Variants in KALRN observed in about 807,000 individuals in gnomAD.
KALRN encodes kalirin RhoGEF kinase.
Under a neutral mutation model 353.7 loss-of-function variants are expected in KALRN, and 70 were observed. That is an observed-to-expected ratio of 0.20 (90% CI 0.16 to 0.24). The LOEUF is 0.24. Ranked by LOEUF, KALRN falls within the 10% of genes least tolerant of loss-of-function variation. The pLI, the probability that KALRN is intolerant of heterozygous loss-of-function variation, is 1.00. For synonymous variants in KALRN, 1,391 were observed against 1,434.8 expected (o/e 0.97, Z 0.69); for missense variants, 2,791 against 3,756.7 (o/e 0.74, Z 6.72).
intron 34 of KALRN, among the ~76,000 whole-genome samples, chr3:124,589,841 T>C (rs1449788007): frequency 6.6e-6 from 1 of 152,142 alleles, no homozygotes; most frequent in African/African-American, 2.4e-5. Context: ...ATACAAAAAG[T>C]CAGACCTCTG....
intron 5 of KALRN, 52 bp downstream of exon 5, chr3:124,269,307 G>A: frequency 6.6e-7 from 1 of 1,512,870 alleles, no homozygotes. Flanking sequence ...AGGGAGCAGA[G>A]GTTGCTCATC....
chr3:124,060,913 T>G (rs2041946959), intron 1 of KALRN, among the ~76,000 whole-genome samples: 1 of 152,212 alleles, frequency 6.6e-6, no homozygotes, highest in African/African-American at 2.4e-5. Context: ...AATGGTTAGC[T>G]AAGAGCCTGT....
chr3:124,532,939 GA>G (rs200277059), intron 33 of KALRN, among the ~76,000 whole-genome samples: 6,908 of 131,346 alleles, frequency 0.053, 283 homozygotes, highest in African/African-American at 0.12. Context: ...ACTTTTATGG[GA>G]AAAAAAAAAA....
intron 1 of KALRN, among the ~76,000 whole-genome samples, chr3:124,106,738 C>T (rs141771866): frequency 1.6e-4 from 25 of 152,304 alleles, no homozygotes; most frequent in Admixed American, 3.9e-4. Context: ...ATACAATTAT[C>T]GGCTGAGCCT....
chr3:124,164,798 T>C (rs1264737852), intron 1 of KALRN: 1 of 152,220 alleles, frequency 6.6e-6, no homozygotes, highest in East Asian at 1.9e-4. Flanking sequence ...GTAGAAAATG[T>C]CCAAGTCTAG....
chr3:124,418,902 A>T (rs1298804506), intron 14 of KALRN, among the ~76,000 whole-genome samples: 7 of 151,874 alleles, frequency 4.6e-5, no homozygotes, highest in African/African-American at 1.2e-4. Flanking sequence ...GATTCTGGTG[A>T]TATTGGTCTG....
At position 124,462,645 on chromosome 3, in the gene KALRN, G is replaced by A. The variant is rs756362359; in HGVS notation, c.4031+12G>A. On this transcript the variant is annotated intron_variant, in intron 25 of 59. Coordinates refer to ENST00000682506, the MANE Select transcript of KALRN (RefSeq NM_001388419.1). The stretch of plus-strand genomic sequence containing the variant: ...GATTTCCATAACAAGTAGGTTTGTG[G>A]AGGGTCTCAGAGGTGCACACTTAGG... 1 of 1,454,540 alleles carries A rather than the reference G, an allele frequency of 6.9e-7. No homozygotes were observed. The highest frequency in any genetic ancestry group is 2.3e-5 in the East Asian group (1 of 43,976). The allele number at this position is 1,454,540 out of a possible 1,614,324, so 90.1% of individuals were successfully genotyped here.
chr3:124,184,672 T>C (rs932174915), intron 1 of KALRN, among the ~76,000 whole-genome samples: 6 of 152,230 alleles, frequency 3.9e-5, no homozygotes, highest in African/African-American at 1.2e-4. Flanking sequence ...ATCTAAATTG[T>C]AGCACTTATG....
intron 34 of KALRN, among the ~76,000 whole-genome samples, chr3:124,592,035 T>A (rs2075828278): frequency 6.6e-6 from 1 of 152,180 alleles, no homozygotes; most frequent in African/African-American, 2.4e-5. Context: ...GCATAGTGGC[T>A]CACACGTGTA....
chr3:124,563,896 G>A (rs1379051292), intron 34 of KALRN, among the ~76,000 whole-genome samples: 2 of 151,922 alleles, frequency 1.3e-5, no homozygotes, highest in African/African-American at 2.4e-5. Context: ...TTGGGAGGCT[G>A]AGGCAGGAGA....
chr3:124,159,676 C>T (rs76042526), intron 1 of KALRN, among the ~76,000 whole-genome samples: 3,172 of 151,730 alleles, frequency 0.021, 102 homozygotes, highest in African/African-American at 0.073. Flanking sequence ...TTCTCTGATG[C>T]GTAATACCTG....
At chr3:124,437,296 A>G (rs1223697557) in intron 17 of KALRN, among the ~76,000 whole-genome samples, 1 of 152,138 alleles carries the variant, frequency 6.6e-6, no homozygotes, top group Non-Finnish European at 1.5e-5. Flanking sequence ...TCTTCTCATG[A>G]CATGAGAAGC....
In KALRN at chr3:124,693,696, C is replaced by T. The variant is rs2061928645; in HGVS notation, c.7378-108C>T. Reference sequence around the variant, plus strand: ...ACACAGTGGGAAGTTGGGCTCCAGGCCTCATCTCCCTAAATTGTACTTTCT... The same window carrying T: ...ACACAGTGGGAAGTTGGGCTCCAGGTCTCATCTCCCTAAATTGTACTTTCT... On this transcript the variant is annotated intron_variant, in intron 51 of 59. Transcript: ENST00000682506. 6 of 650,722 alleles carry T rather than the reference C, an allele frequency of 9.2e-6. No homozygotes were observed. In the East Asian group the frequency reaches 1.4e-4, roughly 16 times the overall value. 40.3% of individuals were successfully genotyped at this position (650,722 alleles called of 1,614,324 possible).
intron 1 of KALRN, chr3:124,094,803 A>G: frequency 6.3e-7 from 1 of 1,597,678 alleles, no homozygotes; most frequent in African/African-American, 1.3e-5. Flanking sequence ...GGCTCTGCCG[A>G]GGGGACTGGC....
intron 1 of KALRN, among the ~76,000 whole-genome samples, chr3:124,090,480 T>C (rs1392166588): frequency 6.6e-6 from 1 of 152,214 alleles, no homozygotes; most frequent in Non-Finnish European, 1.5e-5. Flanking sequence ...ACGAAGGCTT[T>C]CTGGAGCCTG....
At chr3:124,406,701 T>C (rs2150181051) in intron 13 of KALRN, among the ~76,000 whole-genome samples, 1 of 152,344 alleles carries the variant, frequency 6.6e-6, no homozygotes, top group South Asian at 2.1e-4. Flanking sequence ...TGTTGATTAA[T>C]GTATATAATC....
intron 3 of KALRN, among the ~76,000 whole-genome samples, chr3:124,255,866 G>T (rs1158861061): frequency 6.6e-6 from 1 of 152,142 alleles, no homozygotes; most frequent in Admixed American, 6.5e-5. Flanking sequence ...AAGCACAAAG[G>T]CATAGAGGCA....
intron 42 of KALRN, among the ~76,000 whole-genome samples, chr3:124,658,774 G>A (rs942365007): frequency 6.6e-5 from 10 of 152,200 alleles, no homozygotes; most frequent in Non-Finnish European, 1.5e-4. Context: ...GAATAAGCCT[G>A]AACACAGAGA....
At chr3:124,447,924 G>A (rs1206980722) in intron 21 of KALRN, among the ~76,000 whole-genome samples, 1 of 152,268 alleles carries the variant, frequency 6.6e-6, no homozygotes, top group East Asian at 1.9e-4. Flanking sequence ...ACCAGTAAAA[G>A]CAAACAGCAC....
Sources: allele counts gnomAD v4.1 joint callset (sites outside exome capture counted in the v4.1 genomes callset), GRCh38; gene constraint gnomAD v4.1.1; transcripts MANE v1.5; gene names NCBI Gene and HGNC (gene_info 2026-07-23, HGNC 2026-07-21).